Variants in IL1RAPL1 observed in about 807,000 individuals in gnomAD.
The protein encoded by IL1RAPL1 is interleukin 1 receptor accessory protein like 1.
IL1RAPL1 carries 3 observed loss-of-function variants against 48.4 expected under a neutral mutation model. The observed-to-expected ratio is 0.06, with a 90% CI of 0.03 to 0.16. IL1RAPL1 has a LOEUF of 0.16. Ranked by LOEUF, IL1RAPL1 falls within the 10% of genes least tolerant of loss-of-function variation. The pLI is 1.00. For synonymous variants in IL1RAPL1, 185 were observed against 187.7 expected (o/e 0.99, Z 0.12); for missense variants, 349 against 530.6 (o/e 0.66, Z 3.36).
chrX:29,463,478 C>T (rs1271338476), intron 5 of IL1RAPL1, among the ~76,000 whole-genome samples: 1 of 111,993 alleles, frequency 8.9e-6, no homozygotes, highest in Non-Finnish European at 1.9e-5. Flanking sequence ...AGTCTAGTGT[C>T]TTTAGGTTTG....
At chrX:29,696,864 C>A (rs1312267398) in intron 6 of IL1RAPL1, among the ~76,000 whole-genome samples, 1 of 110,345 alleles carries the variant, frequency 9.1e-6, no homozygotes, top group African/African-American at 3.3e-5. Context: ...TAACTTGTGC[C>A]TCGGCATAAT....
rs71889875 is a variant in IL1RAPL1, at chrX:28,734,549, A to AT, written c.-24-54756dup. Among the ~76,000 whole-genome samples the AT allele has an allele frequency of 3.8e-3, 372 of 98,307 alleles. 5 individuals are homozygous for AT. The South Asian group carries it at 0.042, about 11-fold the overall frequency. The allele number at this position is 98,307 out of a possible 115,157, so 85.4% of individuals were successfully genotyped here. ...TCTTTTAGGTCTTTACCAAAGTGTCATTTTTTTTTTTTTTTAATGTGGCTC... is the reference window on the plus strand; with the variant it reads ...TCTTTTAGGTCTTTACCAAAGTGTCATTTTTTTTTTTTTTTTAATGTGGCTC... On this transcript the variant is annotated intron_variant, in intron 1 of 10. Transcript: ENST00000378993.
intron 1 of IL1RAPL1, among the ~76,000 whole-genome samples, chrX:28,730,783 A>T (rs1161567520): frequency 8.9e-6 from 1 of 111,989 alleles, no homozygotes; most frequent in Non-Finnish European, 1.9e-5. Flanking sequence ...ATGGACTTTG[A>T]AACCATGTTC....
intron 5 of IL1RAPL1, among the ~76,000 whole-genome samples, chrX:29,501,837 T>G (rs1033875743): frequency 9.2e-6 from 1 of 109,063 alleles, no homozygotes; most frequent in Admixed American, 9.8e-5. Flanking sequence ...ATTTTAAGTT[T>G]TTTTCTATTT....
intron 2 of IL1RAPL1, among the ~76,000 whole-genome samples, chrX:29,000,304 T>A (rs1925821301): frequency 9.0e-6 from 1 of 111,724 alleles, no homozygotes; most frequent in Non-Finnish European, 1.9e-5. Flanking sequence ...CTTATACGAA[T>A]TTTCATTTAC....
rs754470398 is a variant in IL1RAPL1, at chrX:28,754,524, G to T, written c.-24-34796G>T. Among the ~76,000 whole-genome samples, 3 of 112,086 alleles carry T rather than the reference G, an allele frequency of 2.7e-5. No homozygotes were observed. In the South Asian group the frequency reaches 1.1e-3, roughly 41 times the overall value. ...GAGAAATTAATTTAACTGTAACCAA[G>T]ATGTGGGCTTTCAGTTTGTATTCTA... On this transcript the variant is annotated intron_variant, in intron 1 of 10. Transcript: ENST00000378993.
rs750562613 is a variant in IL1RAPL1, at chrX:29,926,012, C to CTT, written c.1057+5931_1057+5932dup. 3.5e-4 allele frequency among the ~76,000 whole-genome samples: 35 copies of CTT among 101,063 alleles called. 1 individual carries two copies. Among genetic ancestry groups the CTT allele is most frequent in the African/African-American group, 1.0e-3 (28 of 27,868 alleles). 87.8% of individuals were successfully genotyped at this position (101,063 alleles called of 115,157 possible). On this transcript the variant is annotated intron_variant, in intron 8 of 10. Coordinates refer to ENST00000378993, the MANE Select transcript of IL1RAPL1 (RefSeq NM_014271.4). Reference sequence around the variant, plus strand: ...CCTCAACCGTGAAATGTTTTGAAGGCTTTTTTTTTTTTTTGAGACGGAGTC... The same window carrying CTT: ...CCTCAACCGTGAAATGTTTTGAAGGCTTTTTTTTTTTTTTTTGAGACGGAGTC...
chrX:29,159,385 C>T (rs981467710), intron 2 of IL1RAPL1, among the ~76,000 whole-genome samples: 8 of 111,299 alleles, frequency 7.2e-5, no homozygotes, highest in African/African-American at 2.6e-4. Flanking sequence ...CATGACACTT[C>T]TTCTTTAACT....
intron 1 of IL1RAPL1, among the ~76,000 whole-genome samples, chrX:28,683,694 C>A (rs1027832043): frequency 1.8e-5 from 2 of 112,319 alleles, no homozygotes; most frequent in East Asian, 5.6e-4. Context: ...TCTCACCGGG[C>A]TAAAATCAAG....
At chrX:28,749,664 A>G (rs1936016064) in intron 1 of IL1RAPL1, among the ~76,000 whole-genome samples, 1 of 111,641 alleles carries the variant, frequency 9.0e-6, no homozygotes, top group South Asian at 3.7e-4. Context: ...TCCTTGCCAG[A>G]TATATAGTTT....
chrX:29,255,054 AT>A (rs1194510708), intron 2 of IL1RAPL1, among the ~76,000 whole-genome samples: 3 of 109,391 alleles, frequency 2.7e-5, no homozygotes, highest in Non-Finnish European at 5.7e-5. Flanking sequence ...TATTGGAGAT[AT>A]TTTTCTTGTT....
At chrX:29,414,973 T>C (rs1309511976) in intron 5 of IL1RAPL1, among the ~76,000 whole-genome samples, 1 of 111,846 alleles carries the variant, frequency 8.9e-6, no homozygotes, top group East Asian at 2.8e-4. Flanking sequence ...AAATCAAAGA[T>C]TGAAAATGTA....
chrX:29,099,235 C>T (rs1240169876), intron 2 of IL1RAPL1, among the ~76,000 whole-genome samples: 2 of 111,747 alleles, frequency 1.8e-5, no homozygotes, highest in Non-Finnish European at 1.9e-5. Flanking sequence ...ATCAGTAGGT[C>T]TTGCAAACGT....
At chrX:29,846,911 A>G (rs1931263027) in intron 6 of IL1RAPL1, among the ~76,000 whole-genome samples, 1 of 110,513 alleles carries the variant, frequency 9.0e-6, no homozygotes, top group Non-Finnish European at 1.9e-5. Context: ...AAAGATGCAT[A>G]TAATAATTCA....
intron 6 of IL1RAPL1, among the ~76,000 whole-genome samples, chrX:29,688,739 T>TCC (rs1197058013): frequency 2.8e-4 from 30 of 107,495 alleles, no homozygotes; most frequent in Middle Eastern, 4.8e-3. Context: ...TCTCTCTCTC[T>TCC]CTCTCTCTCT....
At chrX:28,628,825 G>A (rs1413041284) in intron 1 of IL1RAPL1, among the ~76,000 whole-genome samples, 1 of 112,017 alleles carries the variant, frequency 8.9e-6, no homozygotes, top group Non-Finnish European at 1.9e-5. Flanking sequence ...TATGCAAACA[G>A]TTCCTTACGG....
intron 5 of IL1RAPL1, among the ~76,000 whole-genome samples, chrX:29,526,198 A>T (rs1021691620): frequency 8.9e-6 from 1 of 112,044 alleles, no homozygotes; most frequent in African/African-American, 3.2e-5. Flanking sequence ...GGATGTCTTC[A>T]TCATTTCTTT....
chrX:29,271,181 A>G (rs1046583685), intron 2 of IL1RAPL1, among the ~76,000 whole-genome samples: 2 of 111,826 alleles, frequency 1.8e-5, no homozygotes, highest in Admixed American at 1.9e-4. Context: ...ATGTTGCTGC[A>G]AAGGACATGA....
intron 5 of IL1RAPL1, among the ~76,000 whole-genome samples, chrX:29,419,617 G>A (rs766035712): frequency 7.3e-4 from 82 of 111,833 alleles, no homozygotes; most frequent in East Asian, 3.4e-3. Flanking sequence ...CACCGTGCCC[G>A]GCCTACTCAG....
Sources: allele counts gnomAD v4.1 joint callset (sites outside exome capture counted in the v4.1 genomes callset), GRCh38; gene constraint gnomAD v4.1.1; transcripts MANE v1.5; gene names NCBI Gene and HGNC (gene_info 2026-07-23, HGNC 2026-07-21).